The following KIAA0825 variants were observed in gnomAD, a reference collection of about 807,000 sequenced individuals.
KIAA0825 encodes the protein KIAA0825, also known as uncharacterized protein KIAA0825.
In KIAA0825, 119 loss-of-function variants were observed where a neutral mutation model predicts 147.6. That is an observed-to-expected ratio of 0.81 (90% CI 0.69 to 0.94). The LOEUF is 0.94. Among genes scored for constraint, KIAA0825 ranks in the 40% least tolerant of loss-of-function variants. KIAA0825 has a pLI of 0.00. For missense variants in KIAA0825, 1,381 were observed against 1,472.7 expected (o/e 0.94, Z 1.02); for synonymous variants, 470 against 518.1 (o/e 0.91, Z 1.26).
At chr5:94,466,736 CAA>C (rs56785201) in intron 10 of KIAA0825, among the ~76,000 whole-genome samples, 36 of 61,376 alleles carry the variant, frequency 5.9e-4, no homozygotes, top group South Asian at 2.9e-3. Flanking sequence ...GACTGTGTCT[CAA>C]AAAAAAAAAA....
intron 1 of KIAA0825, among the ~76,000 whole-genome samples, chr5:94,613,248 G>A (rs1195649749): frequency 6.6e-6 from 1 of 152,114 alleles, no homozygotes; most frequent in Non-Finnish European, 1.5e-5. Context: ...AGGTTGGAGT[G>A]CGGTGACATG....
intron 15 of KIAA0825, chr5:94,416,020 C>T (rs905799043): frequency 6.6e-6 from 1 of 152,116 alleles, no homozygotes; most frequent in Non-Finnish European, 1.5e-5. Flanking sequence ...CTTTCAAGTT[C>T]GTTTTTCTTT....
chr5:94,334,426 T>C (rs1243710193), intron 20 of KIAA0825, among the ~76,000 whole-genome samples: 1 of 152,254 alleles, frequency 6.6e-6, no homozygotes, highest in Non-Finnish European at 1.5e-5. Context: ...AAATTTCCTA[T>C]TGGTCCCAGA....
intron 1 of KIAA0825, among the ~76,000 whole-genome samples, chr5:94,590,195 A>G (rs1784095722): frequency 6.6e-6 from 1 of 152,082 alleles, no homozygotes; most frequent in South Asian, 2.1e-4. Flanking sequence ...GGGTTTCGCA[A>G]TGTTGGCCAG....
intron 20 of KIAA0825, among the ~76,000 whole-genome samples, chr5:94,341,079 C>T (rs1185869519): frequency 2.0e-5 from 3 of 152,008 alleles, no homozygotes; most frequent in Non-Finnish European, 4.4e-5. Flanking sequence ...TAATATTCAG[C>T]TTCAAAAAGT....
At chr5:94,544,672 A>G (rs1584842509) in intron 2 of KIAA0825, among the ~76,000 whole-genome samples, 1 of 152,154 alleles carries the variant, frequency 6.6e-6, no homozygotes, top group East Asian at 1.9e-4. Flanking sequence ...AAGTAAATAT[A>G]TGTGCTTAGT....
chr5:94,501,692 G>T lies in KIAA0825; in HGVS notation c.971-16762C>A, dbSNP rs1742291368. 2.0e-5 allele frequency among the ~76,000 whole-genome samples: 3 copies of T among 152,160 alleles called. No homozygotes were observed. In the South Asian group the frequency reaches 6.2e-4, roughly 32 times the overall value. On this transcript the variant is annotated intron_variant, in intron 5 of 20. Coordinates refer to ENST00000682413, the MANE Select transcript of KIAA0825 (RefSeq NM_001145678.3). ...ATCTATCTAGATATTCATGCTCAATGAATGTATCTAGATATTCATGCTTCT... is the reference window on the plus strand; with the variant it reads ...ATCTATCTAGATATTCATGCTCAATTAATGTATCTAGATATTCATGCTTCT...
rs551387956 is a variant in KIAA0825 at position 94,158,228 on chromosome 5, A to G, written c.3711-4104T>C. The stretch of plus-strand genomic sequence containing the variant: ...CCCCCTTATTTGTTTATGTACTGTC[A>G]ATGACTGATCTCACTCAATAATGTC... On this transcript the variant is annotated intron_variant, in intron 20 of 20. Transcript: ENST00000682413. 1.8e-4 allele frequency among the ~76,000 whole-genome samples: 27 copies of G among 152,234 alleles called. No homozygotes were observed. The South Asian group carries it at 4.3e-3, about 25-fold the overall frequency.
In KIAA0825 at chr5:94,484,773, A is replaced by G; in HGVS notation, c.1128T>C (p.Thr376=). 6.8e-7 allele frequency: 1 copy of G among 1,479,534 alleles called. No homozygotes were observed. The highest frequency in any genetic ancestry group is 9.1e-7 in the Non-Finnish European group (1 of 1,100,384). The allele number at this position is 1,479,534 out of a possible 1,614,324, so 91.7% of individuals were successfully genotyped here. A position where few individuals can be genotyped will look rare whatever the true frequency, so the allele number is the denominator to read the frequency against. Residue 376 remains threonine (T), a synonymous_variant, in exon 6 of 21, where the codon ACT becomes ACC. Coordinates refer to ENST00000682413, the MANE Select transcript of KIAA0825 (RefSeq NM_001145678.3). ...TTAAACAAAAGAGGATATTACCTGA[A>G]GTATCCCTGGTTATCTTGAGTGATA... ...ILLSLKITRD[T]SGILEKSDRE... is the part of the protein sequence containing the mutation.
intron 20 of KIAA0825, among the ~76,000 whole-genome samples, chr5:94,243,380 G>A (rs1447114188): frequency 2.0e-5 from 3 of 152,144 alleles, no homozygotes; most frequent in Non-Finnish European, 4.4e-5. Flanking sequence ...GAGCCATGCT[G>A]TTTGGCTTCA....
intron 1 of KIAA0825, chr5:94,593,432 C>A (rs931389502): frequency 2.7e-6 from 2 of 754,672 alleles, no homozygotes; most frequent in African/African-American, 3.5e-5. Context: ...GTTTTTGACA[C>A]CACAGATTCT....
intron 20 of KIAA0825, among the ~76,000 whole-genome samples, chr5:94,264,247 A>G (rs1048539540): frequency 5.3e-5 from 8 of 152,208 alleles, no homozygotes; most frequent in Admixed American, 1.3e-4. Flanking sequence ...TGTTCTGATC[A>G]GCCGGTTAGG....
chr5:94,260,019 C>A (rs1027584581), intron 20 of KIAA0825, among the ~76,000 whole-genome samples: 4 of 151,912 alleles, frequency 2.6e-5, no homozygotes, highest in Admixed American at 1.3e-4. Context: ...CATGCATGTC[C>A]ATAGATATAA....
chr5:94,522,640 A>C (rs1382042499), intron 4 of KIAA0825, among the ~76,000 whole-genome samples: 2 of 151,644 alleles, frequency 1.3e-5, no homozygotes, highest in African/African-American at 2.4e-5. Context: ...TGCCATCAGG[A>C]CTGACATTTT....
chr5:94,283,852 G>A (rs763909296), intron 20 of KIAA0825, among the ~76,000 whole-genome samples: 2 of 152,004 alleles, frequency 1.3e-5, no homozygotes, highest in Admixed American at 6.6e-5. Flanking sequence ...ACCTAAACGC[G>A]ATTACTGAAT....
chr5:94,288,502 G>T (rs564879134), intron 20 of KIAA0825, among the ~76,000 whole-genome samples: 1 of 152,116 alleles, frequency 6.6e-6, no homozygotes, highest in Non-Finnish European at 1.5e-5. Context: ...TAGAGAAATC[G>T]GAGGTTGGTT....
At position 94,152,852 on chromosome 5, in the gene KIAA0825, A is replaced by T. The variant is rs1766637384; in HGVS notation, c.*1155T>A. The T allele has an allele frequency of 3.9e-4, 6 of 15,532 alleles. No homozygotes were observed. Among genetic ancestry groups the T allele is most frequent in the Non-Finnish European group, 5.1e-4 (4 of 7,802 alleles). 1.0% of individuals were successfully genotyped at this position (15,532 alleles called of 1,614,324 possible). On this transcript the variant is annotated 3_prime_UTR_variant, in exon 21 of 21. Transcript: ENST00000682413. ...AAAAAAAAAAAAAAAAAAAAAAAAA[A>T]AAATTATATATATATATATATATAT...
At chr5:94,452,034 A>G (rs1758481364) in intron 13 of KIAA0825, among the ~76,000 whole-genome samples, 1 of 152,232 alleles carries the variant, frequency 6.6e-6, no homozygotes, top group African/African-American at 2.4e-5. Flanking sequence ...AGACTATTCT[A>G]TTTCTAGGAC....
rs531981504 is a variant in KIAA0825 at position 94,563,202 on chromosome 5, A to C, written c.-2+19231T>G. ...TAAAAATACCAAAAAAAACAAAAAA[A>C]AAAAAATCAGCTGGGCGTGGTGGTG... On this transcript the variant is annotated intron_variant, in intron 2 of 20. Transcript: ENST00000682413. 1.5e-4 allele frequency among the ~76,000 whole-genome samples: 23 copies of C among 151,664 alleles called. No individual in the cohort carries two copies. The East Asian group carries it at 4.5e-3, about 29-fold the overall frequency.
Sources: allele counts gnomAD v4.1 joint callset (sites outside exome capture counted in the v4.1 genomes callset), GRCh38; gene constraint gnomAD v4.1.1; transcripts MANE v1.5; gene names NCBI Gene and HGNC (gene_info 2026-07-23, HGNC 2026-07-21).